TMEM117: variants seen among roughly 807,000 people sequenced by gnomAD.
The protein encoded by TMEM117 is transmembrane protein 117.
Under a neutral mutation model 52.4 loss-of-function variants are expected in TMEM117, and 27 were observed. The observed-to-expected ratio is 0.51, with a 90% CI of 0.38 to 0.71. TMEM117 has a LOEUF of 0.71. Ranked by LOEUF, TMEM117 falls within the 30% of genes least tolerant of loss-of-function variation. The pLI, the probability that TMEM117 is intolerant of heterozygous loss-of-function variation, is 0.00. For synonymous variants in TMEM117, 215 were observed against 206.3 expected, an observed-to-expected ratio of 1.04 and a Z score of -0.36; for missense variants, 556 against 630.5, an observed-to-expected ratio of 0.88 and a Z score of 1.26.
At chr12:44,005,456 G>C (rs1288382850) in intron 3 of TMEM117, among the ~76,000 whole-genome samples, 1 of 152,170 alleles carries the variant, frequency 6.6e-6, no homozygotes, top group Non-Finnish European at 1.5e-5. Flanking sequence ...GGGTAAAGAA[G>C]AAAACCAATA....
At chr12:43,976,306 C>A (rs147293078) in intron 3 of TMEM117, among the ~76,000 whole-genome samples, 2 of 152,176 alleles carry the variant, frequency 1.3e-5, no homozygotes, top group African/African-American at 2.4e-5. Context: ...CAGACTGTGG[C>A]AGAGCAACAG....
At chr12:44,251,722 C>T (rs1293719460) in intron 5 of TMEM117, among the ~76,000 whole-genome samples, 1 of 152,202 alleles carries the variant, frequency 6.6e-6, no homozygotes, top group East Asian at 1.9e-4. Flanking sequence ...GTTAGTAACT[C>T]TATACCCTGG....
the TMEM117 span, among the ~76,000 whole-genome samples, chr12:43,824,392 C>T: frequency 6.6e-6 from 1 of 152,316 alleles, no homozygotes; most frequent in East Asian, 1.9e-4. Context: ...TGGTGTCAGA[C>T]TTCACTTGGC....
At chr12:43,945,130 TAAA>T (rs1945110250) in intron 3 of TMEM117, among the ~76,000 whole-genome samples, 1 of 151,432 alleles carries the variant, frequency 6.6e-6, no homozygotes, top group African/African-American at 2.4e-5. Flanking sequence ...AATAAATAAA[TAAA>T]TAAATAAAGT....
intron 3 of TMEM117, among the ~76,000 whole-genome samples, chr12:44,011,941 A>T (rs1946298011): frequency 6.6e-6 from 1 of 152,186 alleles, no homozygotes; most frequent in Non-Finnish European, 1.5e-5. Flanking sequence ...GGAGGGATGG[A>T]ATGGGATGGT....
At chr12:43,853,409 G>A (rs1943344740) in intron 2 of TMEM117, among the ~76,000 whole-genome samples, 1 of 152,084 alleles carries the variant, frequency 6.6e-6, no homozygotes, top group Non-Finnish European at 1.5e-5. Flanking sequence ...CCAAGTAGCT[G>A]GAATTACAGG....
chr12:44,280,770 ATTTTCCAATC>A (rs1226124376), intron 5 of TMEM117, among the ~76,000 whole-genome samples: 3 of 148,640 alleles, frequency 2.0e-5, no homozygotes, highest in Admixed American at 2.0e-4. Flanking sequence ...AAGCAATCCT[ATTTTCCAATC>A]TTTTACATTA....
chr12:44,311,849 GTATATATGTATATATATGTA>G (rs1360833458), intron 6 of TMEM117, among the ~76,000 whole-genome samples: 3 of 113,902 alleles, frequency 2.6e-5, no homozygotes, highest in African/African-American at 8.3e-5. Flanking sequence ...GTATATATAT[GTATATATGTATATATATGTA>G]TATATATGTA....
chr12:43,995,322 A>C lies in TMEM117; in HGVS notation c.410+50980A>C, dbSNP rs546391637. Among the ~76,000 whole-genome samples, 3 of 151,432 alleles carry C rather than the reference A, an allele frequency of 2.0e-5. No individual in the cohort carries two copies. In the South Asian group the frequency reaches 6.3e-4, roughly 32 times the overall value. ...CGCAGAGCTTGCAAAACTGGCCTTTAAACTTTGACTCTGAAGCCTGTGGTT... is the reference window on the plus strand; with the variant it reads ...CGCAGAGCTTGCAAAACTGGCCTTTCAACTTTGACTCTGAAGCCTGTGGTT... On this transcript the variant is annotated intron_variant, in intron 3 of 7. Transcript: ENST00000266534.
intron 3 of TMEM117, among the ~76,000 whole-genome samples, chr12:44,012,223 T>C (rs1222133034): frequency 1.3e-5 from 2 of 152,152 alleles, no homozygotes; most frequent in Non-Finnish European, 2.9e-5. Flanking sequence ...AAGATTTTTT[T>C]CCTTATCTTT....
At chr12:44,385,554 T>C (rs966893778) in intron 7 of TMEM117, among the ~76,000 whole-genome samples, 7 of 152,074 alleles carry the variant, frequency 4.6e-5, no homozygotes, top group African/African-American at 7.2e-5. Flanking sequence ...GAGCTATAAT[T>C]GCACCACTGT....
chr12:43,840,405 A>C (rs1412825654), intron 1 of TMEM117, among the ~76,000 whole-genome samples: 1 of 152,236 alleles, frequency 6.6e-6, no homozygotes, highest in Non-Finnish European at 1.5e-5. Flanking sequence ...TAGAAATATT[A>C]ATTTAACACC....
Position 44,225,395 on chromosome 12 carries a change from G to A in TMEM117, c.608+14008G>A, listed in dbSNP as rs537827334. 1.2e-3 allele frequency among the ~76,000 whole-genome samples: 176 copies of A among 152,294 alleles called. 1 individual carries two copies. Among genetic ancestry groups the A allele is most frequent in the African/African-American group, 4.2e-3 (174 of 41,572 alleles). On this transcript the variant is annotated intron_variant, in intron 5 of 7. Transcript: ENST00000266534. ...TTACCGCAGTTGCATTGCAAAAATA[G>A]TGCAGTGATACAGTTTCTGGAATTA...
intron 4 of TMEM117, among the ~76,000 whole-genome samples, chr12:44,210,698 A>C (rs1949634181): frequency 6.6e-6 from 1 of 152,158 alleles, no homozygotes; most frequent in African/African-American, 2.4e-5. Context: ...AAGACATCAC[A>C]ATAGTAATAT....
At chr12:44,150,993 A>G (rs1391210358) in intron 4 of TMEM117, among the ~76,000 whole-genome samples, 1 of 152,164 alleles carries the variant, frequency 6.6e-6, no homozygotes, top group Non-Finnish European at 1.5e-5. Context: ...TGTGATAGGT[A>G]TATGTATGCA....
At chr12:44,064,036 TG>T (rs1398087220) in intron 3 of TMEM117, among the ~76,000 whole-genome samples, 2 of 152,060 alleles carry the variant, frequency 1.3e-5, no homozygotes, top group Non-Finnish European at 2.9e-5. Flanking sequence ...ATGGGCCTCC[TG>T]GGGGGTCTCC....
intron 3 of TMEM117, among the ~76,000 whole-genome samples, chr12:44,105,197 A>G (rs1289430821): frequency 1.3e-5 from 2 of 151,792 alleles, no homozygotes; most frequent in South Asian, 2.1e-4. Context: ...TCAATATGGT[A>G]AGTTTCTATT....
intron 5 of TMEM117, among the ~76,000 whole-genome samples, chr12:44,212,292 G>A (rs1420449380): frequency 6.6e-6 from 1 of 152,140 alleles, no homozygotes; most frequent in East Asian, 1.9e-4. Flanking sequence ...CCATGCTGTC[G>A]ATGCTACCTG....
intron 3 of TMEM117, among the ~76,000 whole-genome samples, chr12:44,116,144 C>G (rs1159542036): frequency 6.6e-6 from 1 of 152,128 alleles, no homozygotes; most frequent in Non-Finnish European, 1.5e-5. Flanking sequence ...TCTTAATTTT[C>G]TCTCTTTAAG....
Sources: allele counts gnomAD v4.1 joint callset (sites outside exome capture counted in the v4.1 genomes callset), GRCh38; gene constraint gnomAD v4.1.1; transcripts MANE v1.5; gene names NCBI Gene and HGNC (gene_info 2026-07-23, HGNC 2026-07-21).